The following ROR2 variants were observed in gnomAD, a reference collection of about 807,000 sequenced individuals.
The protein encoded by ROR2 is tyrosine-protein kinase transmembrane receptor ROR2.
ROR2 carries 33 observed loss-of-function variants against 74.9 expected under a neutral mutation model. The ratio of observed to expected loss-of-function variants is 0.44; its 90% CI spans 0.33 to 0.59. The LOEUF is 0.59. Among genes scored for constraint, ROR2 ranks in the 20% least tolerant of loss-of-function variants. ROR2 has a pLI of 0.02. For synonymous variants in ROR2, 586 were observed against 558.7 expected, an observed-to-expected ratio of 1.05 and a Z score of -0.69; for missense variants, 1,216 against 1,313.8, an observed-to-expected ratio of 0.93 and a Z score of 1.15.
intron 8 of ROR2, among the ~76,000 whole-genome samples, chr9:91,725,844 G>A (rs1837010359): frequency 1.3e-5 from 2 of 152,112 alleles, no homozygotes; most frequent in Admixed American, 6.5e-5. Flanking sequence ...CCTCCTCGCT[G>A]GCCAGCCCCT....
At chr9:91,873,379 G>C (rs1193770469) in intron 1 of ROR2, among the ~76,000 whole-genome samples, 1 of 150,740 alleles carries the variant, frequency 6.6e-6, no homozygotes, top group Non-Finnish European at 1.5e-5. Flanking sequence ...CCTGAGGTCA[G>C]GAGTTCGACA....
chr9:91,788,755 C>T (rs1826878964), intron 1 of ROR2, among the ~76,000 whole-genome samples: 1 of 151,512 alleles, frequency 6.6e-6, no homozygotes, highest in Non-Finnish European at 1.5e-5. Context: ...ATCCCAGCTA[C>T]TCAGGAGGCT....
intron 1 of ROR2, among the ~76,000 whole-genome samples, chr9:91,866,384 C>CTAGGATTA (rs1014106552): frequency 6.0e-5 from 9 of 148,784 alleles, no homozygotes; most frequent in African/African-American, 2.2e-4. Flanking sequence ...TCCCAAAGGG[C>CTAGGATTA]TAGGATTACA....
intron 1 of ROR2, chr9:91,886,800 A>T (rs1830295161): frequency 6.6e-6 from 1 of 152,232 alleles, no homozygotes; most frequent in Admixed American, 6.5e-5. Context: ...AGATGAAAGG[A>T]AAAGATAACG....
intron 4 of ROR2, among the ~76,000 whole-genome samples, chr9:91,747,071 G>T (rs1168547440): frequency 6.6e-6 from 1 of 152,156 alleles, no homozygotes; most frequent in Non-Finnish European, 1.5e-5. Flanking sequence ...CCACGTTTCA[G>T]CAGAGCAGGA....
chr9:91,885,388 C>T (rs1021138829), intron 1 of ROR2, among the ~76,000 whole-genome samples: 14 of 152,242 alleles, frequency 9.2e-5, no homozygotes, highest in African/African-American at 3.1e-4. Context: ...GATCTCCAGG[C>T]GGGAATAACC....
intron 3 of ROR2, among the ~76,000 whole-genome samples, chr9:91,756,395 T>C (rs1825750336): frequency 6.6e-6 from 1 of 152,218 alleles, no homozygotes; most frequent in Non-Finnish European, 1.5e-5. Flanking sequence ...TATGATCGGA[T>C]GGCGTGGGCT....
Position 91,927,506 on chromosome 9 carries a change from C to T in ROR2, c.97+22361G>A, listed in dbSNP as rs145567478. On this transcript the variant is annotated intron_variant, in intron 1 of 8. Coordinates refer to ENST00000375708, the MANE Select transcript of ROR2 (RefSeq NM_004560.4). The stretch of plus-strand genomic sequence containing the variant: ...CACCTCCATTCACCACCTCCATTTG[C>T]TACCTCCGTACCCTATCTCTGTGCC... Among the ~76,000 whole-genome samples the T allele has an allele frequency of 2.9e-3, 436 of 151,876 alleles. 1 individual carries two copies. Among genetic ancestry groups the T allele is most frequent in the African/African-American group, 0.01 (414 of 41,380 alleles).
chr9:91,787,794 C>T (rs1326823083), intron 1 of ROR2, among the ~76,000 whole-genome samples: 1 of 150,426 alleles, frequency 6.6e-6, no homozygotes, highest in Non-Finnish European at 1.5e-5. Flanking sequence ...ATGTCACATG[C>T]ACAGAATGGG....
At chr9:91,809,709 G>A (rs533750432) in intron 1 of ROR2, among the ~76,000 whole-genome samples, 1 of 152,206 alleles carries the variant, frequency 6.6e-6, no homozygotes, top group African/African-American at 2.4e-5. Context: ...GGGTACAGCC[G>A]GCAGCAAGAG....
intron 1 of ROR2, among the ~76,000 whole-genome samples, chr9:91,859,561 G>A (rs939339177): frequency 6.6e-5 from 10 of 152,096 alleles, no homozygotes; most frequent in African/African-American, 1.4e-4. Flanking sequence ...GGTGGCTCAC[G>A]CCTGTAATCC....
chr9:91,795,234 C>G (rs546495812), intron 1 of ROR2, among the ~76,000 whole-genome samples: 155 of 152,292 alleles, frequency 1.0e-3, no homozygotes, highest in Non-Finnish European at 1.6e-3. Context: ...TAATATGAGA[C>G]AGAGTCTTTA....
chr9:91,763,821 T>C (rs899220016), intron 2 of ROR2, among the ~76,000 whole-genome samples: 1 of 152,254 alleles, frequency 6.6e-6, no homozygotes, highest in Admixed American at 6.5e-5. Context: ...CTATGAGTTA[T>C]TTAAAGTGTG....
chr9:91,904,845 T>C (rs1488440684), intron 1 of ROR2, among the ~76,000 whole-genome samples: 2 of 152,048 alleles, frequency 1.3e-5, no homozygotes, highest in Admixed American at 6.6e-5. Context: ...CATCACTCAT[T>C]ATTGCCTCCA....
intron 1 of ROR2, among the ~76,000 whole-genome samples, chr9:91,867,487 C>A (rs1314466504): frequency 6.6e-6 from 1 of 152,006 alleles, no homozygotes; most frequent in Non-Finnish European, 1.5e-5. Context: ...TGGACATAGT[C>A]AAGGTGAGTA....
chr9:91,887,788 CT>C (rs771557997), intron 1 of ROR2, among the ~76,000 whole-genome samples: 161 of 100,662 alleles, frequency 1.6e-3, no homozygotes, highest in South Asian at 2.4e-3. Context: ...CTTTTTTTCT[CT>C]TTTTTTTTTT....
At chr9:91,822,219 G>A (rs1411570915) in intron 1 of ROR2, among the ~76,000 whole-genome samples, 2 of 152,158 alleles carry the variant, frequency 1.3e-5, no homozygotes, top group East Asian at 3.9e-4. Context: ...GGTTACTGAA[G>A]GGCCTGGAGG....
intron 1 of ROR2, among the ~76,000 whole-genome samples, chr9:91,812,083 T>C (rs987729489): frequency 5.3e-5 from 8 of 151,284 alleles, no homozygotes; most frequent in African/African-American, 1.9e-4. Flanking sequence ...AAAAATCTTA[T>C]ACTGTTTTAA....
intron 1 of ROR2, among the ~76,000 whole-genome samples, chr9:91,907,669 G>C (rs977133237): frequency 6.6e-6 from 1 of 152,060 alleles, no homozygotes; most frequent in Non-Finnish European, 1.5e-5. Flanking sequence ...TCTACAAAGG[G>C]GGCTGGCTTC....
Sources: gnomAD v4.1 joint callset for allele counts (sites outside exome capture counted in the v4.1 genomes callset) on GRCh38, gnomAD v4.1.1 for gene constraint, MANE v1.5 for transcripts, NCBI Gene and HGNC (gene_info 2026-07-23, HGNC 2026-07-21) for gene names.